GTF2I: variants seen among roughly 807,000 people sequenced by gnomAD.
GTF2I encodes the protein general transcription factor IIi.
In GTF2I, 12 loss-of-function variants were observed where a neutral mutation model predicts 67.6. The observed-to-expected ratio is 0.18, with a 90% CI of 0.11 to 0.29. The LOEUF is 0.29. GTF2I is among the 10% of genes least tolerant of loss of function. The probability of loss-of-function intolerance (pLI) is 1.00; values close to 1 mark genes in which losing one functional copy is unlikely to be tolerated. For missense variants in GTF2I, 271 were observed against 580.1 expected (o/e 0.47, Z 5.47); for synonymous variants, 149 against 197.0 (o/e 0.76, Z 2.04).
At position 74,672,951 on chromosome 7, in the gene GTF2I, C is replaced by T. The variant is rs185412246; in HGVS notation, c.-6+14883C>T. ...TCTCGGCTCACTGCAACCTCTGCCT[C>T]CTGGGTTCAAGCGATTCTCCTGCCT... On this transcript the variant is annotated intron_variant, in intron 1 of 34. Transcript: ENST00000573035. Among the ~76,000 whole-genome samples the T allele has an allele frequency of 6.3e-3, 952 of 152,220 alleles. 11 individuals carry two copies. Among genetic ancestry groups the T allele is most frequent in the African/African-American group, 0.022 (903 of 41,548 alleles).
intron 9 of GTF2I, among the ~76,000 whole-genome samples, chr7:74,712,256 T>C (rs1330138175): frequency 1.3e-5 from 2 of 152,134 alleles, no homozygotes; most frequent in African/African-American, 4.8e-5. Context: ...TAAAATGAAA[T>C]ATTTAAAACC....
intron 1 of GTF2I, among the ~76,000 whole-genome samples, chr7:74,665,496 C>T (rs1177869849): frequency 3.9e-5 from 6 of 152,102 alleles, no homozygotes; most frequent in Admixed American, 1.3e-4. Flanking sequence ...AGATGGTCCG[C>T]CCACCTCAGC....
chr7:74,707,709 G>A (rs1790928700), intron 8 of GTF2I, among the ~76,000 whole-genome samples: 1 of 151,772 alleles, frequency 6.6e-6, no homozygotes, highest in Non-Finnish European at 1.5e-5. Flanking sequence ...TCAGTAGATT[G>A]TGCCAAAAAA....
At chr7:74,711,432 CTTAA>C (rs1554402521) in intron 9 of GTF2I, among the ~76,000 whole-genome samples, 2 of 152,180 alleles carry the variant, frequency 1.3e-5, no homozygotes, top group African/African-American at 4.8e-5. Context: ...ATAATGTCAG[CTTAA>C]TTTTTTCTCA....
At chr7:74,682,442 G>C (rs1787352402) in intron 1 of GTF2I, among the ~76,000 whole-genome samples, 1 of 152,170 alleles carries the variant, frequency 6.6e-6, no homozygotes, top group East Asian at 1.9e-4. Context: ...TTCACCACTT[G>C]ACCTTGAGTT....
chr7:74,690,831 G>A (rs587761791), intron 2 of GTF2I, 142 bp from the exon 3 acceptor site: 1 of 736,000 alleles, frequency 1.4e-6, no homozygotes, highest in South Asian at 1.7e-5. Flanking sequence ...ATTCTGTGTT[G>A]TCTTTTGTTT....
Position 74,722,190 on chromosome 7 carries a change from A to G in GTF2I, c.943+3249A>G, listed in dbSNP as rs587691882. On this transcript the variant is annotated intron_variant, in intron 12 of 34. Coordinates refer to ENST00000573035, the MANE Select transcript of GTF2I (RefSeq NM_032999.4). ...CACCGACGCGGACGTGTTTGTGGAT[A>G]CAGGGTCATTACTTACCCACTGCCG... Among the ~76,000 whole-genome samples, 19 of 152,352 alleles carry G rather than the reference A, an allele frequency of 1.2e-4. No homozygotes were observed. In the East Asian group the frequency reaches 3.5e-3, roughly 28 times the overall value.
intron 8 of GTF2I, among the ~76,000 whole-genome samples, chr7:74,709,767 G>A (rs1223008669): frequency 1.3e-5 from 2 of 151,794 alleles, no homozygotes; most frequent in Non-Finnish European, 2.9e-5. Flanking sequence ...CCACCTCTTG[G>A]GTTCAGGTGA....
chr7:74,677,400 T>C (rs1422245135), intron 1 of GTF2I, among the ~76,000 whole-genome samples: 1 of 152,172 alleles, frequency 6.6e-6, no homozygotes, highest in African/African-American at 2.4e-5. Flanking sequence ...CATGAATTCA[T>C]TTTATTCTTC....
At chr7:74,701,711 C>T (rs1388023464) in intron 6 of GTF2I, among the ~76,000 whole-genome samples, 6 of 152,102 alleles carry the variant, frequency 3.9e-5, no homozygotes, top group East Asian at 1.9e-4. Flanking sequence ...ATGATCCACC[C>T]GCCCCGGCCT....
In GTF2I at chr7:74,715,559, C is replaced by A. The variant is rs117732260; in HGVS notation, c.823+643C>A. Among the ~76,000 whole-genome samples the A allele has an allele frequency of 4.3e-3, 648 of 152,120 alleles. 2 individuals carry two copies. The highest frequency in any genetic ancestry group is 7.2e-3 in the Non-Finnish European group (486 of 67,902). On this transcript the variant is annotated intron_variant, in intron 10 of 34. Coordinates refer to ENST00000573035, the MANE Select transcript of GTF2I (RefSeq NM_032999.4). ...TGAAATTTTACTTTTTACCTACTGG[C>A]CTCATCATTTCACTCTCATTCCTTT...
chr7:74,677,099 C>T (rs1351301153), intron 1 of GTF2I, among the ~76,000 whole-genome samples: 1 of 151,898 alleles, frequency 6.6e-6, no homozygotes, highest in African/African-American at 2.4e-5. Context: ...GAAAAAACCC[C>T]AACAGTTTCA....
chr7:74,674,069 CTTT>C lies in GTF2I; in HGVS notation c.-5-15037_-5-15035del, dbSNP rs35948360. Reference sequence around the variant, plus strand: ...ATATAAACCAGCTAGTGATCTATGACTTTTTTTTTTTTTTTTTTTTAACAGGGT... The same window carrying C: ...ATATAAACCAGCTAGTGATCTATGACTTTTTTTTTTTTTTTTTAACAGGGT... On this transcript the variant is annotated intron_variant, in intron 1 of 34. Transcript: ENST00000573035. Among the ~76,000 whole-genome samples the C allele has an allele frequency of 2.5e-3, 336 of 132,458 alleles. 1 individual carries two copies. Among genetic ancestry groups the C allele is most frequent in the African/African-American group, 7.6e-3 (276 of 36,194 alleles). The allele number at this position is 132,458 out of a possible 152,430, so 86.9% of individuals were successfully genotyped here.
chr7:74,688,869 G>A, intron 1 of GTF2I: 1 of 383,406 alleles, frequency 2.6e-6, no homozygotes, highest in East Asian at 4.9e-5. Context: ...ACTGATTCTG[G>A]GTGCCACCTG....
At chr7:74,710,919 T>C (rs1294431412) in intron 8 of GTF2I, 113 bp from the exon 9 acceptor site, 2 of 563,712 alleles carry the variant, frequency 3.5e-6, no homozygotes, top group South Asian at 4.7e-5. Context: ...GTAAAGTCTT[T>C]ACTTAAAATA....
chr7:74,708,105 GC>G (rs1791004069), intron 8 of GTF2I, among the ~76,000 whole-genome samples: 1 of 152,056 alleles, frequency 6.6e-6, no homozygotes, highest in Non-Finnish European at 1.5e-5. Flanking sequence ...TTGGAGACCG[GC>G]CTGGCCAACA....
intron 6 of GTF2I, among the ~76,000 whole-genome samples, chr7:74,701,906 T>C (rs1789827136): frequency 6.6e-6 from 1 of 152,230 alleles, no homozygotes. Flanking sequence ...ATGAATGTTG[T>C]AGAAATGGAA....
intron 3 of GTF2I, among the ~76,000 whole-genome samples, chr7:74,694,406 G>A (rs587595979): frequency 6.6e-6 from 1 of 152,278 alleles, no homozygotes; most frequent in Non-Finnish European, 1.5e-5. Flanking sequence ...AGGCACCCTG[G>A]TGAAACCCCG....
intron 1 of GTF2I, chr7:74,684,698 C>T (rs1787544639): frequency 6.6e-6 from 1 of 152,238 alleles, no homozygotes; most frequent in Non-Finnish European, 1.5e-5. Flanking sequence ...CCGTGGGTCG[C>T]CCTTGGGGTG....
Sources: allele counts gnomAD v4.1 joint callset (sites outside exome capture counted in the v4.1 genomes callset), GRCh38; gene constraint gnomAD v4.1.1; transcripts MANE v1.5; gene names NCBI Gene and HGNC (gene_info 2026-07-23, HGNC 2026-07-21).